The following PPP5C variants were observed in gnomAD, a reference collection of about 807,000 sequenced individuals.
PPP5C encodes the protein serine/threonine-protein phosphatase 5.
Under a neutral mutation model 66.7 loss-of-function variants are expected in PPP5C, and 21 were observed. The observed-to-expected ratio is 0.31, with a 90% CI of 0.22 to 0.45. The LOEUF (loss-of-function observed/expected upper bound fraction) is 0.45. PPP5C is among the 20% of genes least tolerant of loss of function. The probability of loss-of-function intolerance (pLI) is 1.00; values close to 1 mark genes in which losing one functional copy is unlikely to be tolerated. For synonymous variants in PPP5C, 246 were observed against 257.4 expected, an observed-to-expected ratio of 0.96 and a Z score of 0.43; for missense variants, 464 against 675.9, an observed-to-expected ratio of 0.69 and a Z score of 3.48.
Position 46,383,242 on chromosome 19 carries a change from C to T in PPP5C, c.634-169C>T, listed in dbSNP as rs1487955045. 1 of 1,541,450 alleles carries T rather than the reference C, an allele frequency of 6.5e-7. No homozygotes were observed. The highest frequency in any genetic ancestry group is 8.7e-7 in the Non-Finnish European group (1 of 1,145,512). ...AGGCCACAGAAGCCTGCGGCTGCCT[C>T]CGGCCCCGCCTGCTCCCGCTCCCCC... is the stretch of plus-strand genomic sequence containing the variant. On this transcript the variant is annotated intron_variant, in intron 4 of 12. Transcript: ENST00000012443. The surrounding 1 kb of genome is among the most constrained non-coding windows in gnomAD (Gnocchi z 5.0).
At chr19:46,380,245 A>G (rs1972767261) in intron 4 of PPP5C, among the ~76,000 whole-genome samples, 1 of 152,080 alleles carries the variant, frequency 6.6e-6, no homozygotes, top group Admixed American at 6.6e-5. Context: ...ACTTGAACCC[A>G]GGAGGTGGAG....
In PPP5C at chr19:46,387,003, A is replaced by G. The variant is rs1049762869; in HGVS notation, c.905-90A>G. 1.2e-5 allele frequency: 19 copies of G among 1,582,486 alleles called. No individual in the cohort carries two copies. The African/African-American group carries it at 1.7e-4, about 15-fold the overall frequency. On this transcript the variant is annotated intron_variant, in intron 7 of 12. Coordinates refer to ENST00000012443, the MANE Select transcript of PPP5C (RefSeq NM_006247.4). ...CGAGGCCCATGGGGGCAAGGGACGC[A>G]TGCACAGTTCTGGGCCTTGAGGGTG...
Position 46,376,402 on chromosome 19 carries a change from C to A in PPP5C, c.512-51C>A. On this transcript the variant is annotated intron_variant, in intron 3 of 12. Transcript: ENST00000012443. This position sits in a 1 kb window ranked among gnomAD's most constrained non-coding sequence, Gnocchi z 5.1. ...CCCTGGGAGCGAGACCCCCTTCTCC[C>A]TCATAGTGGCTGTGGTCACTGACTC... 6.2e-7 allele frequency: 1 copy of A among 1,602,150 alleles called. No individual in the cohort carries two copies. The highest frequency in any genetic ancestry group is 8.5e-7 in the Non-Finnish European group (1 of 1,172,770).
intron 4 of PPP5C, among the ~76,000 whole-genome samples, chr19:46,377,139 G>A (rs542673881): frequency 1.3e-5 from 2 of 152,166 alleles, no homozygotes; most frequent in Non-Finnish European, 2.9e-5. Flanking sequence ...ATGAGGATGC[G>A]GGACTTCTTG....
chr19:46,369,693 T>A (rs1466602362), intron 2 of PPP5C, among the ~76,000 whole-genome samples: 1 of 148,700 alleles, frequency 6.7e-6, no homozygotes, highest in Non-Finnish European at 1.5e-5. Flanking sequence ...TTTAGGAGTC[T>A]GAGGCGGGCA....
intron 2 of PPP5C, among the ~76,000 whole-genome samples, chr19:46,355,306 C>T (rs1972265863): frequency 6.6e-6 from 1 of 152,200 alleles, no homozygotes; most frequent in Non-Finnish European, 1.5e-5. Context: ...TCACTCCCTC[C>T]TTCCCTTGCA....
In PPP5C at chr19:46,383,267, C is replaced by T. The variant is rs1043546664; in HGVS notation, c.634-144C>T. 9 of 1,546,744 alleles carry T rather than the reference C, an allele frequency of 5.8e-6. No homozygotes were observed. Among genetic ancestry groups the T allele is most frequent in the African/African-American group, 2.7e-5 (2 of 73,044 alleles). On this transcript the variant is annotated intron_variant, in intron 4 of 12. Coordinates refer to ENST00000012443, the MANE Select transcript of PPP5C (RefSeq NM_006247.4). This position sits in a 1 kb window ranked among gnomAD's most constrained non-coding sequence, Gnocchi z 5.0. ...CCGGCCCCGCCTGCTCCCGCTCCCC[C>T]AGGCCTGCCCTGCCCTTTTTCTTCT...
At chr19:46,353,388 C>T (rs1413707183) in intron 1 of PPP5C, among the ~76,000 whole-genome samples, 1 of 152,182 alleles carries the variant, frequency 6.6e-6, no homozygotes, top group African/African-American at 2.4e-5. Context: ...CCCCTGCCCA[C>T]TCCACCCAGC....
intron 9 of PPP5C, 25 bp downstream of exon 9, chr19:46,387,478 T>G: frequency 1.2e-6 from 2 of 1,614,022 alleles, no homozygotes; most frequent in Non-Finnish European, 1.7e-6. Context: ...GCCAGGTGTC[T>G]CCAGCAGAAA....
intron 2 of PPP5C, among the ~76,000 whole-genome samples, chr19:46,373,322 T>G (rs2147386293): frequency 6.6e-6 from 1 of 152,360 alleles, no homozygotes; most frequent in Non-Finnish European, 1.5e-5. Context: ...AAGGGAATCC[T>G]GGCTTCCTGG....
intron 2 of PPP5C, among the ~76,000 whole-genome samples, chr19:46,372,570 C>T (rs1374934708): frequency 1.3e-5 from 2 of 152,148 alleles, no homozygotes; most frequent in Non-Finnish European, 2.9e-5. Context: ...ATACACGCAG[C>T]CCCCAGGGCT....
intron 2 of PPP5C, among the ~76,000 whole-genome samples, chr19:46,355,754 C>T (rs1302411246): frequency 2.0e-5 from 3 of 152,056 alleles, no homozygotes; most frequent in Non-Finnish European, 4.4e-5. Context: ...GTAAAGGTCA[C>T]GAGCTGCAGG....
chr19:46,357,502 T>C (rs1972307390), intron 2 of PPP5C, among the ~76,000 whole-genome samples: 1 of 152,252 alleles, frequency 6.6e-6, no homozygotes, highest in Non-Finnish European at 1.5e-5. Context: ...GAATTAATTC[T>C]GACACTATCT....
intron 2 of PPP5C, among the ~76,000 whole-genome samples, chr19:46,355,637 T>G (rs1972272355): frequency 6.6e-6 from 1 of 151,740 alleles, no homozygotes; most frequent in African/African-American, 2.4e-5. Flanking sequence ...TCCCAAGCCA[T>G]TCTTGGCCAA....
chr19:46,372,508 C>T (rs1028882454), intron 2 of PPP5C, among the ~76,000 whole-genome samples: 6 of 152,290 alleles, frequency 3.9e-5, no homozygotes, highest in East Asian at 1.9e-4. Flanking sequence ...CCACCACACC[C>T]GGCCATCTAC....
intron 2 of PPP5C, among the ~76,000 whole-genome samples, chr19:46,356,328 G>A (rs1040762682): frequency 1.3e-5 from 2 of 152,246 alleles, no homozygotes; most frequent in Non-Finnish European, 2.9e-5. Context: ...GCTCCTTTCT[G>A]CGCAGTTCTT....
At chr19:46,357,419 G>A (rs1972305720) in intron 2 of PPP5C, among the ~76,000 whole-genome samples, 3 of 152,214 alleles carry the variant, frequency 2.0e-5, no homozygotes, top group East Asian at 1.9e-4. Flanking sequence ...TCACGAAAGG[G>A]AGTGGAGGTC....
intron 1 of PPP5C, among the ~76,000 whole-genome samples, chr19:46,353,129 C>T (rs1054489291): frequency 1.3e-5 from 2 of 152,202 alleles, no homozygotes; most frequent in African/African-American, 4.8e-5. Context: ...TTGAGCAAGA[C>T]CTCCATGGCT....
At chr19:46,384,716 C>T in intron 6 of PPP5C, 88 bp from the exon 7 acceptor site, 2 of 985,420 alleles carry the variant, frequency 2.0e-6, no homozygotes, top group Non-Finnish European at 3.2e-6. Flanking sequence ...AGGAGCAGCC[C>T]ATCTGGCCCA....
Sources: gnomAD v4.1 joint callset for allele counts (sites outside exome capture counted in the v4.1 genomes callset) on GRCh38, gnomAD v4.1.1 for gene constraint, Gnocchi (gnomAD v3.1) non-coding constraint, MANE v1.5 for transcripts, NCBI Gene and HGNC (gene_info 2026-07-23, HGNC 2026-07-21) for gene names.